Variants in CARMIL1 observed in about 807,000 individuals in gnomAD.
CARMIL1 encodes the protein capping protein regulator and myosin 1 linker 1.
A neutral mutation model predicts 177.1 loss-of-function variants in CARMIL1; 90 were observed. The ratio of observed to expected loss-of-function variants is 0.51; its 90% CI spans 0.43 to 0.61. The LOEUF is 0.61. Among genes scored for constraint, CARMIL1 ranks in the 20% least tolerant of loss-of-function variants. The pLI is 0.00. For missense variants in CARMIL1, 1,380 were observed against 1,667.0 expected (o/e 0.83, Z 3.00); for synonymous variants, 577 against 606.2 (o/e 0.95, Z 0.71).
intron 3 of CARMIL1, 35 bp from the exon 4 acceptor site, chr6:25,426,466 A>AG: frequency 6.6e-7 from 1 of 1,504,986 alleles, no homozygotes; most frequent in Non-Finnish European, 9.2e-7. Flanking sequence ...CCCTCATTGC[A>AG]GGTCTTTTCT....
chr6:25,608,956 A>G (rs1164578361), intron 35 of CARMIL1, among the ~76,000 whole-genome samples: 1 of 152,222 alleles, frequency 6.6e-6, no homozygotes, highest in Non-Finnish European at 1.5e-5. Context: ...TTGTCTTGGG[A>G]CATACACAAA....
At chr6:25,317,431 C>T (rs1273212670) in intron 2 of CARMIL1, among the ~76,000 whole-genome samples, 2 of 152,068 alleles carry the variant, frequency 1.3e-5, no homozygotes, top group Non-Finnish European at 2.9e-5. Context: ...TGAGCCACTG[C>T]ACCACCCTAA....
intron 10 of CARMIL1, among the ~76,000 whole-genome samples, 156 bp from the exon 11 acceptor site, chr6:25,472,271 T>G (rs1262971443): frequency 6.6e-6 from 1 of 152,186 alleles, no homozygotes; most frequent in African/African-American, 2.4e-5. Context: ...AATTCTCTAA[T>G]GAGGTGTTAA....
At position 25,500,755 on chromosome 6, in the gene CARMIL1, A is replaced by G. The variant is rs532718278; in HGVS notation, c.1395+520A>G. On this transcript the variant is annotated intron_variant, in intron 17 of 36. Coordinates refer to ENST00000329474, the MANE Select transcript of CARMIL1 (RefSeq NM_017640.6). Reference sequence around the variant, plus strand: ...TAAGAACTGAGACTAAAGTGTCTATATATTTATATATTTTTTTTTCTTCTT... The same window carrying G: ...TAAGAACTGAGACTAAAGTGTCTATGTATTTATATATTTTTTTTTCTTCTT... Among the ~76,000 whole-genome samples the G allele has an allele frequency of 3.3e-5, 5 of 152,012 alleles. No homozygotes were observed. In the East Asian group the frequency reaches 9.7e-4, roughly 29 times the overall value.
rs991413555 is a variant in CARMIL1, at chr6:25,558,699, G to A, written c.2742+1849G>A. Among the ~76,000 whole-genome samples, 3 of 152,138 alleles carry A rather than the reference G, an allele frequency of 2.0e-5. No homozygotes were observed. The highest frequency in any genetic ancestry group is 4.4e-5 in the Non-Finnish European group (3 of 68,024). ...GAATTCAACTCTCAGGACAAGCCAC[G>A]TTAGGAGGGTAGACTTTATCTGGTT... On this transcript the variant is annotated intron_variant, in intron 29 of 36. Coordinates refer to ENST00000329474, the MANE Select transcript of CARMIL1 (RefSeq NM_017640.6). The surrounding 1 kb of genome is among the most constrained non-coding windows in gnomAD (Gnocchi z 4.1).
chr6:25,446,920 G>T (rs1458953654), intron 5 of CARMIL1, among the ~76,000 whole-genome samples: 1 of 152,210 alleles, frequency 6.6e-6, no homozygotes, highest in East Asian at 1.9e-4. Context: ...TGTCAGTGGA[G>T]CAGTGAGATC....
Position 25,279,644 on chromosome 6 carries a change from C to G in CARMIL1, c.-152C>G, listed in dbSNP as rs1581423325. 2 of 661,132 alleles carry G rather than the reference C, an allele frequency of 3.0e-6. No homozygotes were observed. The highest frequency in any genetic ancestry group is 1.8e-5 in the South Asian group (1 of 54,580). 41.0% of individuals were successfully genotyped at this position (661,132 alleles called of 1,614,324 possible). A position where few individuals can be genotyped will look rare whatever the true frequency, so the allele number is the denominator to read the frequency against. Reference sequence around the variant, plus strand: ...TTTTTTTGGTGGGGCGGGGGGCGCGCGGCAAAATTCTGTCTCCGCCCCCCC... The same window carrying G: ...TTTTTTTGGTGGGGCGGGGGGCGCGGGGCAAAATTCTGTCTCCGCCCCCCC... On this transcript the variant is annotated 5_prime_UTR_variant, in exon 1 of 37. Transcript: ENST00000329474.
chr6:25,498,775 T>TG, intron 16 of CARMIL1, among the ~76,000 whole-genome samples: 1 of 152,318 alleles, frequency 6.6e-6, no homozygotes, highest in African/African-American at 2.4e-5. Context: ...ACTGGCCTTT[T>TG]GGTTTTCAGC....
intron 17 of CARMIL1, among the ~76,000 whole-genome samples, chr6:25,500,739 A>C (rs898570477): frequency 2.0e-5 from 3 of 152,022 alleles, no homozygotes; most frequent in African/African-American, 7.2e-5. Context: ...ATAAGAACTG[A>C]GACTAAAGTG....
rs535164815 is a variant in CARMIL1, at chr6:25,452,941, C to CT, written c.614+2236dup. The stretch of plus-strand genomic sequence containing the variant: ...GTAGAATCAGAACCATATCAATGAA[C>CT]TTTTTTGTATTTTGTTACATTAAAG... On this transcript the variant is annotated intron_variant, in intron 8 of 36. Transcript: ENST00000329474. 2.4e-3 allele frequency among the ~76,000 whole-genome samples: 361 copies of CT among 152,248 alleles called. 1 individual carries two copies. In the Middle Eastern group the frequency reaches 0.027, roughly 11 times the overall value.
At chr6:25,358,553 T>C (rs1788868741) in intron 2 of CARMIL1, among the ~76,000 whole-genome samples, 1 of 152,202 alleles carries the variant, frequency 6.6e-6, no homozygotes, top group African/African-American at 2.4e-5. Flanking sequence ...TTTCCTGTTA[T>C]ACTTAAACAT....
At chr6:25,389,296 G>A (rs188709841) in intron 2 of CARMIL1, 1 of 111,986 alleles carries the variant, frequency 8.9e-6, no homozygotes, top group African/African-American at 2.6e-5. Context: ...TTATGACACT[G>A]TCTATTATAT....
intron 2 of CARMIL1, among the ~76,000 whole-genome samples, chr6:25,319,816 T>C (rs978969003): frequency 6.9e-6 from 1 of 145,512 alleles, no homozygotes; most frequent in Non-Finnish European, 1.5e-5. Flanking sequence ...TCACCCAGGC[T>C]GGAGTGCAGT....
rs112081434 is a variant in CARMIL1, at chr6:25,404,615, G to A, written c.139-15499G>A. ...TACTAAAAATACAAAAATTAGCCAGGCATGGTGGCACACACCTGTAGTCCC... is the reference window on the plus strand; with the variant it reads ...TACTAAAAATACAAAAATTAGCCAGACATGGTGGCACACACCTGTAGTCCC... On this transcript the variant is annotated intron_variant, in intron 2 of 36. Transcript: ENST00000329474. Among the ~76,000 whole-genome samples, 1,023 of 152,218 alleles carry A rather than the reference G, an allele frequency of 6.7e-3. 1 individual carries two copies. Among genetic ancestry groups the A allele is most frequent in the Non-Finnish European group, 0.01 (696 of 68,004 alleles).
At chr6:25,292,927 A>C (rs1381428106) in intron 2 of CARMIL1, among the ~76,000 whole-genome samples, 2 of 152,130 alleles carry the variant, frequency 1.3e-5, no homozygotes, top group Non-Finnish European at 2.9e-5. Context: ...ATAGTTATAA[A>C]ATAGTTACAG....
intron 2 of CARMIL1, among the ~76,000 whole-genome samples, chr6:25,314,771 C>T (rs951511238): frequency 1.3e-5 from 2 of 152,066 alleles, no homozygotes; most frequent in Admixed American, 6.6e-5. Context: ...GATGGATGTA[C>T]TCTGTATAGA....
chr6:25,336,762 CA>C (rs373992349), intron 2 of CARMIL1, among the ~76,000 whole-genome samples: 1 of 151,976 alleles, frequency 6.6e-6, no homozygotes, highest in African/African-American at 2.4e-5. Flanking sequence ...ATAAATGAAA[CA>C]AAAAAGTCAG....
At chr6:25,325,452 G>A (rs1784997152) in intron 2 of CARMIL1, among the ~76,000 whole-genome samples, 1 of 152,114 alleles carries the variant, frequency 6.6e-6, no homozygotes, top group African/African-American at 2.4e-5. Context: ...CTGTTTTTGT[G>A]GAAATGATTT....
chr6:25,427,187 A>G (rs922476289), intron 4 of CARMIL1, among the ~76,000 whole-genome samples: 5 of 151,820 alleles, frequency 3.3e-5, no homozygotes, highest in Admixed American at 2.6e-4. Context: ...TTTTAATTTT[A>G]TTTTTAGTTC....
Sources: gnomAD v4.1 joint callset for allele counts (sites outside exome capture counted in the v4.1 genomes callset) on GRCh38, gnomAD v4.1.1 for gene constraint, Gnocchi (gnomAD v3.1) non-coding constraint, MANE v1.5 for transcripts, NCBI Gene and HGNC (gene_info 2026-07-23, HGNC 2026-07-21) for gene names.